The following NUCKS1 variants were observed in gnomAD, a reference collection of about 807,000 sequenced individuals.
NUCKS1 encodes nuclear casein kinase and cyclin dependent kinase substrate 1.
Under a neutral mutation model 33.0 loss-of-function variants are expected in NUCKS1, and 2 were observed. That is an observed-to-expected ratio of 0.06 (90% CI 0.02 to 0.19). The LOEUF is 0.19. Among genes scored for constraint, NUCKS1 ranks in the 10% least tolerant of loss-of-function variants. The probability of loss-of-function intolerance (pLI) is 1.00; values close to 1 mark genes in which losing one functional copy is unlikely to be tolerated. For synonymous variants in NUCKS1, 106 were observed against 102.8 expected (o/e 1.03, Z -0.19); for missense variants, 201 against 293.6 (o/e 0.68, Z 2.31).
In NUCKS1 at chr1:205,717,525, C is replaced by CT. The variant is rs1210818596; in HGVS notation, c.*754dup. On this transcript the variant is annotated 3_prime_UTR_variant, in exon 7 of 7. Coordinates refer to ENST00000367142, the MANE Select transcript of NUCKS1 (RefSeq NM_022731.5). ...TTTTTTTTTTTTAGCTCCCTAAAGA[C>CT]TGTAGCAGGATAAAAGGATCACTGG... 1.0e-6 allele frequency: 1 copy of CT among 976,506 alleles called. No homozygotes were observed. The highest frequency in any genetic ancestry group is 1.2e-6 in the Non-Finnish European group (1 of 826,846). 60.5% of individuals were successfully genotyped at this position (976,506 alleles called of 1,614,324 possible). A position where few individuals can be genotyped will look rare whatever the true frequency, so the allele number is the denominator to read the frequency against.
At chr1:205,749,044 T>C (rs980484637) in intron 1 of NUCKS1, among the ~76,000 whole-genome samples, 6 of 152,054 alleles carry the variant, frequency 3.9e-5, no homozygotes, top group Non-Finnish European at 8.8e-5. Flanking sequence ...TGAAGTCTGA[T>C]GGTTACCCGA....
chr1:205,717,892 C>G lies in NUCKS1; in HGVS notation c.*388G>C. 1 of 988,126 alleles carries G rather than the reference C, an allele frequency of 1.0e-6. No individual in the cohort carries two copies. The highest frequency in any genetic ancestry group is 1.2e-6 in the Non-Finnish European group (1 of 831,810). The allele number at this position is 988,126 out of a possible 1,614,324, so 61.2% of individuals were successfully genotyped here. ...CAACTTGCTATTTTTTAGCAAAAAG[C>G]GAAGTTTCAATAGTGTTCATCTCAA... On this transcript the variant is annotated 3_prime_UTR_variant, in exon 7 of 7. Transcript: ENST00000367142.
At chr1:205,749,516 G>A (rs1037433972) in intron 1 of NUCKS1, among the ~76,000 whole-genome samples, 2 of 151,532 alleles carry the variant, frequency 1.3e-5, no homozygotes, top group Admixed American at 6.6e-5. Context: ...TGGGGGAAGG[G>A]GCAATACGGG....
intron 1 of NUCKS1, among the ~76,000 whole-genome samples, chr1:205,731,940 A>C (rs1653924645): frequency 6.6e-6 from 1 of 152,034 alleles, no homozygotes; most frequent in Non-Finnish European, 1.5e-5. Flanking sequence ...TACCACCTAT[A>C]CTTAAACCTG....
Position 205,729,726 on chromosome 1 carries a change from G to T in NUCKS1, c.18-105C>A, listed in dbSNP as rs967605516. 9 of 892,748 alleles carry T rather than the reference G, an allele frequency of 1.0e-5. No homozygotes were observed. In the African/African-American group the frequency reaches 1.3e-4, roughly 13 times the overall value. 55.3% of individuals were successfully genotyped at this position (892,748 alleles called of 1,614,324 possible). On this transcript the variant is annotated intron_variant, in intron 1 of 6. Coordinates refer to ENST00000367142, the MANE Select transcript of NUCKS1 (RefSeq NM_022731.5). ...ATAAACAGAACTGAACTAGCACTTT[G>T]AAAATTATTTAATTGCTGGACGTGG...
chr1:205,741,418 A>G (rs1049510724), intron 1 of NUCKS1, among the ~76,000 whole-genome samples: 4 of 152,190 alleles, frequency 2.6e-5, no homozygotes, highest in Non-Finnish European at 5.9e-5. Flanking sequence ...TCCCAGTGGA[A>G]GTTTAGTGTA....
At chr1:205,722,567 A>C (rs1671941650) in intron 4 of NUCKS1, among the ~76,000 whole-genome samples, 1 of 151,694 alleles carries the variant, frequency 6.6e-6, no homozygotes. Context: ...AAATTTTTGT[A>C]TTTTTGATAG....
At chr1:205,722,377 C>T (rs1321677068) in intron 4 of NUCKS1, among the ~76,000 whole-genome samples, 1 of 152,226 alleles carries the variant, frequency 6.6e-6, no homozygotes, top group Non-Finnish European at 1.5e-5. Context: ...CTGCCTCGGC[C>T]TCCCGAGTAG....
At chr1:205,738,440 ATTTTTTT>A (rs34617208) in intron 1 of NUCKS1, among the ~76,000 whole-genome samples, 2 of 140,770 alleles carry the variant, frequency 1.4e-5, no homozygotes, top group African/African-American at 2.6e-5. Flanking sequence ...TGCCCAGCTA[ATTTTTTT>A]TTTTTTTTTT....
At chr1:205,719,712 T>G in intron 5 of NUCKS1, 36 bp from the exon 6 acceptor site, 2 of 1,590,864 alleles carry the variant, frequency 1.3e-6, no homozygotes, top group Non-Finnish European at 1.7e-6. Context: ...TCTAACTTAA[T>G]GTACACATCC....
chr1:205,738,320 G>T (rs545155544), intron 1 of NUCKS1, among the ~76,000 whole-genome samples: 2 of 151,654 alleles, frequency 1.3e-5, no homozygotes, highest in Non-Finnish European at 2.9e-5. Context: ...GAGCCACCAT[G>T]CCCAGCCTAT....
intron 4 of NUCKS1, among the ~76,000 whole-genome samples, chr1:205,722,300 AGGCTG>A: frequency 6.6e-6 from 1 of 152,094 alleles, no homozygotes; most frequent in Non-Finnish European, 1.5e-5. Context: ...CTTCTTGCTT[AGGCTG>A]GAGTACAACA....
intron 1 of NUCKS1, among the ~76,000 whole-genome samples, chr1:205,732,778 T>TAAAAAAAAA (rs1653945719): frequency 7.0e-5 from 1 of 14,230 alleles, no homozygotes; most frequent in Non-Finnish European, 3.5e-4. Context: ...AGACTCTGTC[T>TAAAAAAAAA]CAAAAAAAAA....
chr1:205,747,195 GGGAAATC>G (rs1654353713), intron 1 of NUCKS1, among the ~76,000 whole-genome samples: 1 of 151,864 alleles, frequency 6.6e-6, no homozygotes, highest in Non-Finnish European at 1.5e-5. Flanking sequence ...ATTGGGAATT[GGGAAATC>G]TAGGTTCTCA....
intron 1 of NUCKS1, among the ~76,000 whole-genome samples, chr1:205,731,718 C>T (rs1229168279): frequency 6.6e-6 from 1 of 151,972 alleles, no homozygotes; most frequent in African/African-American, 2.4e-5. Context: ...GGTGAAACCC[C>T]GTCTCCACTA....
In NUCKS1 at chr1:205,716,903, A is replaced by G. The variant is rs1671831542; in HGVS notation, c.*1377T>C. 6.6e-6 allele frequency: 1 copy of G among 152,200 alleles called. No individual in the cohort carries two copies. Among genetic ancestry groups the G allele is most frequent in the Non-Finnish European group, 1.5e-5 (1 of 68,036 alleles). 9.4% of individuals were successfully genotyped at this position (152,200 alleles called of 1,614,324 possible). A position where few individuals can be genotyped will look rare whatever the true frequency, so the allele number is the denominator to read the frequency against. On this transcript the variant is annotated 3_prime_UTR_variant, in exon 7 of 7. Coordinates refer to ENST00000367142, the MANE Select transcript of NUCKS1 (RefSeq NM_022731.5). ...TTGTTTCTCTAGTCCCTCCTGCTTTAAGCAGCATGAGCAGTAAAGCAGGGG... is the reference window on the plus strand; with the variant it reads ...TTGTTTCTCTAGTCCCTCCTGCTTTGAGCAGCATGAGCAGTAAAGCAGGGG...
intron 1 of NUCKS1, among the ~76,000 whole-genome samples, chr1:205,730,891 A>G (rs561788965): frequency 6.6e-6 from 1 of 152,362 alleles, no homozygotes; most frequent in South Asian, 2.1e-4. Flanking sequence ...ATTATATACA[A>G]AGATGCCCTA....
Position 205,721,477 on chromosome 1 carries a change from T to C in NUCKS1, c.230-824A>G, listed in dbSNP as rs184100570. On this transcript the variant is annotated intron_variant, in intron 4 of 6. Transcript: ENST00000367142. ...CATTGCTTTGCTCTACAATTCTCAA[T>C]TACATTCAAATCTATGTTCACTGTT... Among the ~76,000 whole-genome samples the C allele has an allele frequency of 3.8e-3, 586 of 152,328 alleles. 3 individuals carry two copies. The highest frequency in any genetic ancestry group is 6.6e-3 in the Non-Finnish European group (448 of 68,030).
chr1:205,736,717 G>C (rs986164052), intron 1 of NUCKS1, among the ~76,000 whole-genome samples: 2 of 152,002 alleles, frequency 1.3e-5, no homozygotes, highest in African/African-American at 4.8e-5. Flanking sequence ...TGTAATCCCA[G>C]GTACTTGGGA....
Sources: gnomAD v4.1 joint callset for allele counts (sites outside exome capture counted in the v4.1 genomes callset) on GRCh38, gnomAD v4.1.1 for gene constraint, MANE v1.5 for transcripts, NCBI Gene and HGNC (gene_info 2026-07-23, HGNC 2026-07-21) for gene names.